The following ZNF595 variants were observed in gnomAD, a reference collection of about 807,000 sequenced individuals.
ZNF595 encodes the protein zinc finger protein 595.
A neutral mutation model predicts 19.4 loss-of-function variants in ZNF595; 9 were observed. The observed-to-expected ratio is 0.46, with a 90% CI of 0.28 to 0.81. The LOEUF (loss-of-function observed/expected upper bound fraction) is 0.81, where lower values mean the gene tolerates loss of function less well. Among genes scored for constraint, ZNF595 ranks in the 30% least tolerant of loss-of-function variants. The pLI is 0.11. For missense variants in ZNF595, 729 were observed against 736.0 expected (o/e 0.99, Z 0.11); for synonymous variants, 255 against 255.9 (o/e 1.00, Z 0.03).
rs147798922 is a variant in ZNF595 at position 82,852 on chromosome 4, G to C, written c.227-2879G>C. Among the ~76,000 whole-genome samples the C allele has an allele frequency of 3.8e-3, 571 of 152,214 alleles. 6 individuals carry two copies. The Middle Eastern group carries it at 0.048, about 13-fold the overall frequency. ...TCAGATGGGTATGTATTCTGCTTTTGTTTAAGAGTTCTCTACAATTCTATT... is the reference window on the plus strand; with the variant it reads ...TCAGATGGGTATGTATTCTGCTTTTCTTTAAGAGTTCTCTACAATTCTATT... On this transcript the variant is annotated intron_variant, in intron 3 of 3. Transcript: ENST00000610261.
In ZNF595 at chr4:87,320, T is replaced by C. The variant is rs1560096452; in HGVS notation, c.1816T>C (p.Ser606Pro). 2.2e-5 allele frequency: 35 copies of C among 1,609,938 alleles called. 2 individuals are homozygous for C. The South Asian group carries it at 3.2e-4, about 15-fold the overall frequency. ...ECGKAFNWSSSLTKHKIIHTG... is the reference protein window; with the variant it reads ...ECGKAFNWSSPLTKHKIIHTG... Reference sequence around the variant, plus strand: ...TGGCAAAGCCTTCAATTGGTCCTCATCCCTTACTAAACATAAGATAATTCA... The same window carrying C: ...TGGCAAAGCCTTCAATTGGTCCTCACCCCTTACTAAACATAAGATAATTCA... The change falls in exon 4 of 4, where the codon TCC (serine) becomes CCC (proline). Residue 606 changes from serine to proline, a missense_variant. Transcript: ENST00000610261.
intron 3 of ZNF595, among the ~76,000 whole-genome samples, chr4:66,892 C>G (rs1581332943): frequency 6.6e-6 from 1 of 150,992 alleles, no homozygotes; most frequent in Non-Finnish European, 1.5e-5. Flanking sequence ...TTCTTGTTTT[C>G]TAAGAATGTT....
In ZNF595 at chr4:87,715, ATTTTTTTTTTTT is replaced by A. The variant is rs33985555; in HGVS notation, c.*276_*287del. 6 of 117,814 alleles carry A rather than the reference ATTTTTTTTTTTT, an allele frequency of 5.1e-5. No homozygotes were observed. 7.3% of individuals were successfully genotyped at this position (117,814 alleles called of 1,614,324 possible). A position where few individuals can be genotyped will look rare whatever the true frequency, so the allele number is the denominator to read the frequency against. On this transcript the variant is annotated 3_prime_UTR_variant, in exon 4 of 4. Transcript: ENST00000610261. ...ACACACAGTCCAGTTATACACTTTA[ATTTTTTTTTTTT>A]TTTTTTTTTTTGAGACAGAGTCTCG...
intron 3 of ZNF595, 112 bp from the exon 4 acceptor site, chr4:85,619 T>G (rs1390410271): frequency 7.9e-7 from 1 of 1,266,206 alleles, no homozygotes; most frequent in African/African-American, 1.5e-5. Context: ...CTGTGATATT[T>G]TGTTATGCTA....
chr4:86,276 T>G lies in ZNF595; in HGVS notation c.772T>G (p.Cys258Gly). Residue 258 changes from cysteine (C) to glycine (G), a missense_variant, in exon 4 of 4, where the codon TGT becomes GGT. Cys to Gly is a radical substitution (Grantham distance 159, BLOSUM62 -3). This residue lies in a region of ZNF595 where 729 missense variants were observed against 675.3 expected (regional missense o/e 1.08). Transcript: ENST00000610261. The part of the protein sequence containing the change: ...KIHTGEKPYK[C>G]EECGKAFTRS... Reference sequence around the variant, plus strand: ...TCATACTGGAGAGAAACCCTACAAATGTGAAGAATGTGGCAAAGCCTTTAC... The same window carrying G: ...TCATACTGGAGAGAAACCCTACAAAGGTGAAGAATGTGGCAAAGCCTTTAC... 1.2e-6 allele frequency: 2 copies of G among 1,611,720 alleles called. No individual in the cohort carries two copies. The highest frequency in any genetic ancestry group is 1.7e-6 in the Non-Finnish European group (2 of 1,178,184).
intron 3 of ZNF595, among the ~76,000 whole-genome samples, chr4:71,360 A>G (rs782286972): frequency 3.7e-4 from 56 of 152,060 alleles, no homozygotes; most frequent in Non-Finnish European, 7.3e-5. Context: ...TTCCAATACT[A>G]TGTCGAATAA....
intron 3 of ZNF595, among the ~76,000 whole-genome samples, chr4:77,290 G>C (rs1437201463): frequency 1.3e-5 from 2 of 150,086 alleles, no homozygotes; most frequent in Non-Finnish European, 3.0e-5. Flanking sequence ...CTCTTTCTTT[G>C]CTATAATTGT....
chr4:78,268 A>G (rs1553799151), intron 3 of ZNF595, among the ~76,000 whole-genome samples: 1 of 152,172 alleles, frequency 6.6e-6, no homozygotes, highest in Admixed American at 6.5e-5. Context: ...TGGGCCTCCC[A>G]GAGTCCTCAG....
At chr4:71,984 T>A (rs1713450683) in intron 3 of ZNF595, among the ~76,000 whole-genome samples, 1 of 152,122 alleles carries the variant, frequency 6.6e-6, no homozygotes, top group Non-Finnish European at 1.5e-5. Flanking sequence ...CATTGAGTAT[T>A]TCAATGAGCA....
At chr4:75,437 C>T (rs1336411982) in intron 3 of ZNF595, among the ~76,000 whole-genome samples, 1 of 152,128 alleles carries the variant, frequency 6.6e-6, no homozygotes, top group Non-Finnish European at 1.5e-5. Flanking sequence ...ATGACTAACC[C>T]ACTGTTGAAA....
chr4:69,984 C>A (rs1382597865), intron 3 of ZNF595, among the ~76,000 whole-genome samples: 1 of 152,186 alleles, frequency 6.6e-6, no homozygotes, highest in Non-Finnish European at 1.5e-5. Flanking sequence ...TTTTGCCAGT[C>A]CAGCTGGATG....
At chr4:74,742 T>G (rs1247890546) in intron 3 of ZNF595, among the ~76,000 whole-genome samples, 1 of 152,102 alleles carries the variant, frequency 6.6e-6, no homozygotes, top group Non-Finnish European at 1.5e-5. Flanking sequence ...AGACAAATGA[T>G]TGCATTCTTT....
In ZNF595 at chr4:86,903, C is replaced by G. The variant is rs781855821; in HGVS notation, c.1399C>G (p.Leu467Val). 3 of 1,610,806 alleles carry G rather than the reference C, an allele frequency of 1.9e-6. No homozygotes were observed. Among genetic ancestry groups the G allele is most frequent in the South Asian group, 2.2e-5 (2 of 90,546 alleles). ...CGKAFTRSTT[L>V]NEHKKIHTGE... ...CAAAGCCTTTACACGGTCCACAACA[C>G]TGAACGAACATAAGAAAATTCATAC... The change falls in exon 4 of 4, where the codon CTG becomes GTG. Residue 467 changes from leucine to valine, a missense_variant. Physicochemically the swap from Leu to Val is conservative, Grantham distance 32. Coordinates refer to ENST00000610261, the MANE Select transcript of ZNF595 (RefSeq NM_182524.4).
chr4:82,371 GGTTTTT>G lies in ZNF595; in HGVS notation c.227-3359_227-3354del, dbSNP rs1241286448. Among the ~76,000 whole-genome samples the G allele has an allele frequency of 1.7e-3, 167 of 97,704 alleles. 6 individuals are homozygous for G. Among genetic ancestry groups the G allele is most frequent in the African/African-American group, 5.0e-3 (138 of 27,394 alleles). The allele number at this position is 97,704 out of a possible 152,430, so 64.1% of individuals were successfully genotyped here. A position where few individuals can be genotyped will look rare whatever the true frequency, so the allele number is the denominator to read the frequency against. The stretch of plus-strand genomic sequence containing the variant: ...ACAAAAGTCCATTTTTTTGGTTTGT[GGTTTTT>G]TTTTTTTTTTTTTTTTTTTTTTTGA... On this transcript the variant is annotated intron_variant, in intron 3 of 3. Coordinates refer to ENST00000610261, the MANE Select transcript of ZNF595 (RefSeq NM_182524.4).
At chr4:75,445 A>G (rs1395898991) in intron 3 of ZNF595, among the ~76,000 whole-genome samples, 2 of 152,222 alleles carry the variant, frequency 1.3e-5, no homozygotes, top group Admixed American at 1.3e-4. Flanking sequence ...CCCACTGTTG[A>G]AATACTGATA....
chr4:71,271 A>G (rs1049283025), intron 3 of ZNF595, among the ~76,000 whole-genome samples: 1 of 152,248 alleles, frequency 6.6e-6, no homozygotes, highest in Admixed American at 6.5e-5. Context: ...ATCTGCAAAC[A>G]AAGATATAAT....
chr4:70,331 G>A (rs782385803), intron 3 of ZNF595, among the ~76,000 whole-genome samples: 9 of 151,148 alleles, frequency 6.0e-5, no homozygotes, highest in South Asian at 4.2e-4. Flanking sequence ...CACTTTCCCC[G>A]ATAAATATCC....
intron 3 of ZNF595, among the ~76,000 whole-genome samples, chr4:74,578 GAAC>G (rs1164251643): frequency 6.6e-6 from 1 of 152,132 alleles, no homozygotes; most frequent in Non-Finnish European, 1.5e-5. Flanking sequence ...GGTGGTCGGG[GAAC>G]AACTTAATTT....
chr4:71,471 G>A lies in ZNF595; in HGVS notation c.226+11318G>A, dbSNP rs568159813. The stretch of plus-strand genomic sequence containing the variant: ...TGGGTTTAGGTTCCCAATTTCACAA[G>A]GTAATTCATCCTCATACATCCTATT... On this transcript the variant is annotated intron_variant, in intron 3 of 3. Transcript: ENST00000610261. 6.6e-5 allele frequency among the ~76,000 whole-genome samples: 10 copies of A among 152,150 alleles called. No individual in the cohort carries two copies. The South Asian group carries it at 1.9e-3, about 28-fold the overall frequency.
Sources: gnomAD v4.1 joint callset for allele counts (sites outside exome capture counted in the v4.1 genomes callset) on GRCh38, gnomAD v4.1.1 for gene constraint, gnomAD v4.1.1 regional missense constraint, MANE v1.5 for transcripts, NCBI Gene and HGNC (gene_info 2026-07-23, HGNC 2026-07-21) for gene names.